The following ARHGEF7 variants were observed in gnomAD, a reference collection of about 807,000 sequenced individuals.
ARHGEF7 encodes Rho guanine nucleotide exchange factor 7.
In ARHGEF7, 33 loss-of-function variants were observed where a neutral mutation model predicts 109.8. The ratio of observed to expected loss-of-function variants is 0.30; its 90% CI spans 0.23 to 0.40. The LOEUF (loss-of-function observed/expected upper bound fraction) is 0.40. Among genes scored for constraint, ARHGEF7 ranks in the 10% least tolerant of loss-of-function variants. The probability of loss-of-function intolerance (pLI) is 1.00; values close to 1 mark genes in which losing one functional copy is unlikely to be tolerated. For synonymous variants in ARHGEF7, 458 were observed against 424.6 expected (o/e 1.08, Z -0.97); for missense variants, 938 against 1,098.5 (o/e 0.85, Z 2.07).
At chr13:111,166,102 C>T (rs1394427837) in intron 2 of ARHGEF7, among the ~76,000 whole-genome samples, 1 of 152,180 alleles carries the variant, frequency 6.6e-6, no homozygotes, top group Non-Finnish European at 1.5e-5. Context: ...ACCATTAGCC[C>T]AGGCTGTCCA....
In ARHGEF7 at chr13:111,267,628, G is replaced by C. The variant is rs770291823; in HGVS notation, c.1031G>C (p.Cys344Ser). 2.5e-6 allele frequency: 4 copies of C among 1,614,098 alleles called. No individual in the cohort carries two copies. Among genetic ancestry groups the C allele is most frequent in the Non-Finnish European group, 3.4e-6 (4 of 1,179,960 alleles). Residue 344 changes from cysteine (C) to serine (S), a missense_variant, in exon 9 of 22, where the codon TGT becomes TCT. Physicochemically the swap from Cys to Ser is moderately radical, Grantham distance 112. Around this residue, in one of 4 missense-constraint regions of ARHGEF7, gnomAD observed 585 missense variants for 723.6 expected, o/e 0.81. Coordinates refer to ENST00000646102, the MANE Select transcript of ARHGEF7 (RefSeq NM_001354046.2). The part of the protein sequence containing the change: ...PQMKTLYLTY[C>S]ANHPSAVNVL... Reference sequence around the variant, plus strand: ...ATGAAAACCCTGTACCTCACGTATTGTGCCAATCACCCTTCTGCAGTGAAT... The same window carrying C: ...ATGAAAACCCTGTACCTCACGTATTCTGCCAATCACCCTTCTGCAGTGAAT...
At chr13:111,115,884 AG>A (rs1439368302) in intron 1 of ARHGEF7, among the ~76,000 whole-genome samples, 193 bp downstream of exon 1, 2 of 50,258 alleles carry the variant, frequency 4.0e-5, no homozygotes, top group Middle Eastern at 6.2e-3. Context: ...GGGCAGGGGG[AG>A]GGGGCCGGGG....
At chr13:111,231,400 T>C (rs1286322377) in intron 5 of ARHGEF7, among the ~76,000 whole-genome samples, 1 of 152,202 alleles carries the variant, frequency 6.6e-6, no homozygotes, top group African/African-American at 2.4e-5. Context: ...GAGAGAATTC[T>C]TGCAACTTGC....
intron 3 of ARHGEF7, among the ~76,000 whole-genome samples, chr13:111,209,648 AATAGTT>A (rs1193596962): frequency 6.6e-6 from 1 of 152,230 alleles, no homozygotes; most frequent in African/African-American, 2.4e-5. Flanking sequence ...AGAACTGATT[AATAGTT>A]ATCTCCAGAT....
At chr13:111,257,227 A>G (rs965204553) in intron 8 of ARHGEF7, among the ~76,000 whole-genome samples, 1 of 152,202 alleles carries the variant, frequency 6.6e-6, no homozygotes, top group African/African-American at 2.4e-5. Context: ...TTAATCCTTC[A>G]GTCCCAGTGA....
intron 6 of ARHGEF7, among the ~76,000 whole-genome samples, chr13:111,235,965 A>G (rs1380228856): frequency 6.6e-6 from 1 of 152,226 alleles, no homozygotes; most frequent in Non-Finnish European, 1.5e-5. Flanking sequence ...TGGAGTTGAG[A>G]GAAGAGTATT....
intron 2 of ARHGEF7, chr13:111,182,189 G>A (rs1195230943): frequency 1.3e-5 from 2 of 152,234 alleles, no homozygotes; most frequent in African/African-American, 4.8e-5. Context: ...GCGTGCTGGT[G>A]TGCCGCCTCC....
At chr13:111,164,614 G>T (rs574033962) in intron 2 of ARHGEF7, among the ~76,000 whole-genome samples, 4 of 152,228 alleles carry the variant, frequency 2.6e-5, no homozygotes, top group South Asian at 2.1e-4. Context: ...TAGCCTGCTG[G>T]TATTGTTCTT....
Position 111,280,695 on chromosome 13 carries a change from C to T in ARHGEF7, c.1725+18C>T. On this transcript the variant is annotated intron_variant, in intron 15 of 21. Coordinates refer to ENST00000646102, the MANE Select transcript of ARHGEF7 (RefSeq NM_001354046.2). Reference sequence around the variant, plus strand: ...CTCATACCGTAAGGACTTGGTGCTTCTCCTCCTTCCAGACTCCAGGCGTGG... The same window carrying T: ...CTCATACCGTAAGGACTTGGTGCTTTTCCTCCTTCCAGACTCCAGGCGTGG... 6.6e-7 allele frequency: 1 copy of T among 1,507,198 alleles called. No individual in the cohort carries two copies. The highest frequency in any genetic ancestry group is 2.4e-5 in the East Asian group (1 of 41,028). 93.4% of individuals were successfully genotyped at this position (1,507,198 alleles called of 1,614,324 possible).
intron 19 of ARHGEF7, chr13:111,295,299 A>G (rs2093403037): frequency 2.9e-6 from 2 of 700,280 alleles, no homozygotes; most frequent in Admixed American, 6.3e-5. Flanking sequence ...AAAGGCAGGC[A>G]GGTGATAGAT....
chr13:111,115,619 G>T lies in ARHGEF7; in HGVS notation c.93G>T (p.Leu31=). 1 of 1,405,594 alleles carries T rather than the reference G, an allele frequency of 7.1e-7. No homozygotes were observed. Among genetic ancestry groups the T allele is most frequent in the South Asian group, 1.4e-5 (1 of 71,538 alleles). 87.1% of individuals were successfully genotyped at this position (1,405,594 alleles called of 1,614,324 possible). A position where few individuals can be genotyped will look rare whatever the true frequency, so the allele number is the denominator to read the frequency against. Residue 31 remains leucine, a synonymous_variant, in exon 1 of 22, where the codon CTG becomes CTT. Coordinates refer to ENST00000646102, the MANE Select transcript of ARHGEF7 (RefSeq NM_001354046.2). ...CCATCTCGGACCCGGAGGGCTTTCT[G>T]CAGGCGTCGCTGAAGGATGGGGTGG... ...KKTISDPEGF[L]QASLKDGVVL... is the part of the protein sequence containing the mutation.
chr13:111,225,512 GT>G (rs796094462), intron 5 of ARHGEF7, among the ~76,000 whole-genome samples: 1,658 of 140,824 alleles, frequency 0.012, 25 homozygotes, highest in African/African-American at 0.036. Context: ...TTGTTTTTTT[GT>G]TTTTTTTTTT....
intron 6 of ARHGEF7, among the ~76,000 whole-genome samples, chr13:111,234,937 A>G (rs2086596193): frequency 6.6e-6 from 1 of 151,904 alleles, no homozygotes; most frequent in Non-Finnish European, 1.5e-5. Context: ...GGCTCTACTA[A>G]CCCATTCGCT....
intron 1 of ARHGEF7, among the ~76,000 whole-genome samples, chr13:111,120,514 C>A (rs1395294379): frequency 6.6e-6 from 1 of 152,204 alleles, no homozygotes; most frequent in African/African-American, 2.4e-5. Flanking sequence ...GACACGCACA[C>A]ACGCACACAC....
At chr13:111,190,641 G>T (rs931519093) in intron 2 of ARHGEF7, among the ~76,000 whole-genome samples, 2 of 152,176 alleles carry the variant, frequency 1.3e-5, no homozygotes, top group Admixed American at 1.3e-4. Flanking sequence ...ATAAGTAGGG[G>T]TATTAGTTGT....
Position 111,299,308 on chromosome 13 carries a change from C to T in ARHGEF7, c.2312-1440C>T, listed in dbSNP as rs574598635. Among the ~76,000 whole-genome samples, 7 of 150,234 alleles carry T rather than the reference C, an allele frequency of 4.7e-5. No individual in the cohort carries two copies. The South Asian group carries it at 8.5e-4, about 18-fold the overall frequency. ...CTTGTTCTGCTCAGGGGAGCCTAAG[C>T]GTGCAGTAAAATGCTGGTGAAGCCA... On this transcript the variant is annotated intron_variant, in intron 19 of 21. Coordinates refer to ENST00000646102, the MANE Select transcript of ARHGEF7 (RefSeq NM_001354046.2).
intron 2 of ARHGEF7, among the ~76,000 whole-genome samples, chr13:111,196,960 T>A (rs544847248): frequency 6.6e-6 from 1 of 152,130 alleles, no homozygotes; most frequent in East Asian, 1.9e-4. Context: ...CAGAAAAAAA[T>A]AAGCTGCCTC....
At chr13:111,151,914 C>A (rs1292079717) in intron 1 of ARHGEF7, among the ~76,000 whole-genome samples, 2 of 152,022 alleles carry the variant, frequency 1.3e-5, no homozygotes, top group African/African-American at 4.8e-5. Flanking sequence ...CTTATTCAAG[C>A]ACAGCTGGGA....
chr13:111,223,853 A>G (rs113736917), intron 5 of ARHGEF7, among the ~76,000 whole-genome samples: 15,500 of 146,544 alleles, frequency 0.11, 1,104 homozygotes, highest in Middle Eastern at 0.16. Flanking sequence ...ATGGATTTCT[A>G]TAGCATTTTT....
Sources: gnomAD v4.1 joint callset for allele counts (sites outside exome capture counted in the v4.1 genomes callset) on GRCh38, gnomAD v4.1.1 for gene constraint, gnomAD v4.1.1 regional missense constraint, MANE v1.5 for transcripts, NCBI Gene and HGNC (gene_info 2026-07-23, HGNC 2026-07-21) for gene names.